Variants in PLCB4 observed in about 807,000 individuals in gnomAD.
The protein encoded by PLCB4 is phospholipase C beta 4, also known as 1-phosphatidylinositol 4,5-bisphosphate phosphodiesterase beta-4.
A neutral mutation model predicts 178.8 loss-of-function variants in PLCB4; 77 were observed. The ratio of observed to expected loss-of-function variants is 0.43; its 90% CI spans 0.36 to 0.52. The LOEUF is 0.52. Ranked by LOEUF, PLCB4 falls within the 20% of genes least tolerant of loss-of-function variation. The pLI is 0.00. For missense variants in PLCB4, 1,024 were observed against 1,453.4 expected, an observed-to-expected ratio of 0.70 and a Z score of 4.80; for synonymous variants, 496 against 490.8, an observed-to-expected ratio of 1.01 and a Z score of -0.14.
rs755144664 is a variant in PLCB4 at position 9,384,313 on chromosome 20, C to T, written c.966C>T (p.Tyr322=). 6.2e-7 allele frequency: 1 copy of T among 1,614,004 alleles called. No individual in the cohort carries two copies. The highest frequency in any genetic ancestry group is 2.2e-5 in the East Asian group (1 of 44,888). The change falls in exon 14 of 40, where the codon TAC becomes TAT. Residue 322 remains tyrosine, a synonymous_variant. Coordinates refer to ENST00000378473, the MANE Select transcript of PLCB4 (RefSeq NM_001377142.1). ...AAATGGACCATCCTCTGGCTCACTACTTCATCAGTTCTTCCCATAACACTT... is the reference window on the plus strand; with the variant it reads ...AAATGGACCATCCTCTGGCTCACTATTTCATCAGTTCTTCCCATAACACTT... ...YQEMDHPLAH[Y]FISSSHNTYL... is the part of the protein sequence containing the mutation.
intron 12 of PLCB4, among the ~76,000 whole-genome samples, chr20:9,377,548 T>A (rs1602218911): frequency 6.6e-6 from 1 of 152,186 alleles, no homozygotes; most frequent in Non-Finnish European, 1.5e-5. Context: ...CATGAAGATT[T>A]TAGGGAGAGC....
Position 9,081,459 on chromosome 20 carries a change from A to G in PLCB4, c.-135+12253A>G, listed in dbSNP as rs1600265322. 5.3e-5 allele frequency among the ~76,000 whole-genome samples: 8 copies of G among 152,306 alleles called. 1 individual carries two copies. ...TGCACTGTGGACACTGTGGCTTTGC[A>G]CTATGACTTTGCACTCAATCCCCTT... On this transcript the variant is annotated intron_variant, in intron 1 of 39. Coordinates refer to ENST00000378473, the MANE Select transcript of PLCB4 (RefSeq NM_001377142.1).
chr20:9,257,333 T>A (rs1327143270), intron 3 of PLCB4, among the ~76,000 whole-genome samples: 1 of 152,218 alleles, frequency 6.6e-6, no homozygotes, highest in Non-Finnish European at 1.5e-5. Context: ...TGAAAATAAA[T>A]ACATTCATTT....
chr20:9,437,578 T>G (rs1240150904), intron 30 of PLCB4, among the ~76,000 whole-genome samples: 1 of 152,192 alleles, frequency 6.6e-6, no homozygotes, highest in Admixed American at 6.5e-5. Context: ...GTGCTGGTTA[T>G]TTTAATTGGT....
chr20:9,260,348 T>C (rs1283635749), intron 3 of PLCB4, among the ~76,000 whole-genome samples: 1 of 152,162 alleles, frequency 6.6e-6, no homozygotes, highest in African/African-American at 2.4e-5. Context: ...ATTCTCTTTT[T>C]GTAAAAAGTT....
intron 28 of PLCB4, among the ~76,000 whole-genome samples, chr20:9,432,526 G>C (rs1035798457): frequency 6.6e-6 from 1 of 152,194 alleles, no homozygotes; most frequent in Non-Finnish European, 1.5e-5. Context: ...GTACAGAGAA[G>C]CATAGACCAA....
chr20:9,211,888 G>A (rs2093677017), intron 2 of PLCB4, among the ~76,000 whole-genome samples: 1 of 152,298 alleles, frequency 6.6e-6, no homozygotes, highest in African/African-American at 2.4e-5. Context: ...ATAATAAAGT[G>A]TAATAAACCA....
intron 4 of PLCB4, among the ~76,000 whole-genome samples, chr20:9,326,378 A>G (rs1187443698): frequency 6.6e-6 from 1 of 152,128 alleles, no homozygotes; most frequent in Non-Finnish European, 1.5e-5. Flanking sequence ...AAATCTTTCT[A>G]CTTGACACCA....
chr20:9,406,114 T>C (rs1268878162), intron 21 of PLCB4, among the ~76,000 whole-genome samples: 1 of 152,250 alleles, frequency 6.6e-6, no homozygotes, highest in Non-Finnish European at 1.5e-5. Context: ...AGTATACAGA[T>C]TGACATTTGG....
At chr20:9,452,861 A>G (rs2042847138) in intron 32 of PLCB4, among the ~76,000 whole-genome samples, 2 of 152,224 alleles carry the variant, frequency 1.3e-5, no homozygotes, top group South Asian at 2.1e-4. Context: ...ATGGCATTCA[A>G]GAGCTCCAAA....
chr20:9,445,087 A>G (rs1056756737), intron 32 of PLCB4, among the ~76,000 whole-genome samples: 7 of 152,232 alleles, frequency 4.6e-5, no homozygotes, highest in Non-Finnish European at 1.0e-4. Flanking sequence ...GCAAATTGTA[A>G]GAGAACAGCA....
At chr20:9,428,993 A>T (rs192606640) in intron 28 of PLCB4, among the ~76,000 whole-genome samples, 23 of 152,280 alleles carry the variant, frequency 1.5e-4, no homozygotes, top group African/African-American at 5.3e-4. Flanking sequence ...GGAGGAAGGG[A>T]GGGGAAAAGC....
intron 35 of PLCB4, among the ~76,000 whole-genome samples, chr20:9,462,906 AAGAC>A (rs2043497054): frequency 6.6e-6 from 1 of 152,224 alleles, no homozygotes; most frequent in African/African-American, 2.4e-5. Context: ...AAATTCAAGA[AAGAC>A]AGAGAACACC....
chr20:9,365,891 G>A (rs1183662582), intron 9 of PLCB4, among the ~76,000 whole-genome samples: 1 of 152,190 alleles, frequency 6.6e-6, no homozygotes, highest in African/African-American at 2.4e-5. Context: ...GTGGAAGGGT[G>A]TGGACCGTGT....
intron 2 of PLCB4, among the ~76,000 whole-genome samples, chr20:9,152,313 C>T (rs140577314): frequency 5.3e-4 from 80 of 152,260 alleles, no homozygotes; most frequent in African/African-American, 1.9e-3. Context: ...TATCAGAGAC[C>T]TTCACAGCAG....
At chr20:9,088,705 GA>G (rs2090547823) in intron 1 of PLCB4, among the ~76,000 whole-genome samples, 1 of 151,960 alleles carries the variant, frequency 6.6e-6, no homozygotes, top group African/African-American at 2.4e-5. Context: ...CACTTAAGTG[GA>G]AAAAAATAGA....
intron 35 of PLCB4, among the ~76,000 whole-genome samples, chr20:9,462,020 C>T (rs1267024256): frequency 2.6e-5 from 4 of 152,072 alleles, no homozygotes; most frequent in Admixed American, 6.6e-5. Context: ...CGACAGACAC[C>T]TCATATAGGT....
chr20:9,187,639 A>G (rs1255242064), intron 2 of PLCB4, among the ~76,000 whole-genome samples: 1 of 152,244 alleles, frequency 6.6e-6, no homozygotes, highest in East Asian at 1.9e-4. Flanking sequence ...AAACTACTGT[A>G]TAGGCCAGAG....
intron 25 of PLCB4, among the ~76,000 whole-genome samples, chr20:9,415,565 C>A (rs1167111539): frequency 6.6e-6 from 1 of 152,336 alleles, no homozygotes; most frequent in East Asian, 1.9e-4. Context: ...GCTTGCCTTC[C>A]AAGGCCTTAC....
Sources: allele counts gnomAD v4.1 joint callset (sites outside exome capture counted in the v4.1 genomes callset), GRCh38; gene constraint gnomAD v4.1.1; transcripts MANE v1.5; gene names NCBI Gene and HGNC (gene_info 2026-07-23, HGNC 2026-07-21).